PTPRD: variants seen among roughly 807,000 people sequenced by gnomAD.
The protein encoded by PTPRD is protein tyrosine phosphatase receptor type D, also known as receptor-type tyrosine-protein phosphatase delta.
A neutral mutation model predicts 214.5 loss-of-function variants in PTPRD; 34 were observed. The ratio of observed to expected loss-of-function variants is 0.16; its 90% CI spans 0.12 to 0.21. PTPRD has a LOEUF of 0.21. Among genes scored for constraint, PTPRD ranks in the 10% least tolerant of loss-of-function variants. The pLI, the probability that PTPRD is intolerant of heterozygous loss-of-function variation, is 1.00. For synonymous variants in PTPRD, 1,128 were observed against 845.7 expected, an observed-to-expected ratio of 1.33 and a Z score of -5.79; for missense variants, 2,545 against 2,398.7, an observed-to-expected ratio of 1.06 and a Z score of -1.27.
intron 3 of PTPRD, among the ~76,000 whole-genome samples, chr9:10,275,676 A>G (rs1023288319): frequency 1.3e-5 from 2 of 152,194 alleles, no homozygotes; most frequent in African/African-American, 4.8e-5. Context: ...AGAAATTGCT[A>G]GAAACTAGGT....
chr9:9,480,772 C>G (rs920448950), intron 8 of PTPRD, among the ~76,000 whole-genome samples: 1 of 151,954 alleles, frequency 6.6e-6, no homozygotes, highest in East Asian at 1.9e-4. Flanking sequence ...CATTAACATC[C>G]ATCAATAATT....
chr9:9,917,452 T>TA lies in PTPRD; in HGVS notation c.-368+21054dup, dbSNP rs112904497. Among the ~76,000 whole-genome samples the TA allele has an allele frequency of 3.6e-3, 463 of 127,604 alleles. 7 individuals carry two copies. Among genetic ancestry groups the TA allele is most frequent in the Admixed American group, 4.5e-3 (55 of 12,138 alleles). 83.7% of individuals were successfully genotyped at this position (127,604 alleles called of 152,430 possible). On this transcript the variant is annotated intron_variant, in intron 5 of 45. Coordinates refer to ENST00000381196, the MANE Select transcript of PTPRD (RefSeq NM_002839.4). ...ACATTTTAAAATCCAGAAAATTTCCTAAAAAAAAAAAAAAAAAAAATCCAG... is the reference window on the plus strand; with the variant it reads ...ACATTTTAAAATCCAGAAAATTTCCTAAAAAAAAAAAAAAAAAAAAATCCAG...
intron 8 of PTPRD, among the ~76,000 whole-genome samples, chr9:9,517,148 C>A (rs1000448434): frequency 6.6e-6 from 1 of 151,948 alleles, no homozygotes; most frequent in Admixed American, 6.6e-5. Context: ...TTTAAACATT[C>A]ATTTATTTAT....
intron 11 of PTPRD, among the ~76,000 whole-genome samples, chr9:8,849,129 C>G (rs1269591242): frequency 1.4e-5 from 2 of 147,532 alleles, no homozygotes; most frequent in African/African-American, 5.0e-5. Flanking sequence ...AATAATTATT[C>G]TTCACATTTT....
intron 4 of PTPRD, among the ~76,000 whole-genome samples, chr9:9,952,705 G>C (rs1328735878): frequency 2.6e-5 from 4 of 152,056 alleles, no homozygotes; most frequent in African/African-American, 9.7e-5. Flanking sequence ...GGGGAAAGGT[G>C]AATGCCCAGA....
chr9:9,937,516 A>G (rs2089981643), intron 5 of PTPRD, among the ~76,000 whole-genome samples: 1 of 152,034 alleles, frequency 6.6e-6, no homozygotes, highest in Non-Finnish European at 1.5e-5. Context: ...ATTTATGACT[A>G]TAAAAACATA....
At chr9:8,329,777 G>C (rs1236226796) in intron 44 of PTPRD, among the ~76,000 whole-genome samples, 1 of 152,134 alleles carries the variant, frequency 6.6e-6, no homozygotes, top group Non-Finnish European at 1.5e-5. Flanking sequence ...ACTCAGCCCT[G>C]TTTGAACTTC....
intron 3 of PTPRD, among the ~76,000 whole-genome samples, chr9:10,195,581 G>A (rs1413284824): frequency 6.6e-5 from 10 of 152,134 alleles, no homozygotes; most frequent in South Asian, 2.1e-4. Flanking sequence ...CGTGGCTCAC[G>A]CCTGTGATCC....
chr9:8,386,466 A>G (rs115631967), intron 37 of PTPRD, among the ~76,000 whole-genome samples: 204 of 152,356 alleles, frequency 1.3e-3, no homozygotes, highest in African/African-American at 4.8e-3. Context: ...TATTATTTTA[A>G]GAACCTGAGC....
At chr9:8,886,840 G>A (rs2154231156) in intron 11 of PTPRD, among the ~76,000 whole-genome samples, 1 of 152,302 alleles carries the variant, frequency 6.6e-6, no homozygotes, top group South Asian at 2.1e-4. Context: ...ATAATACAGA[G>A]GCGTTGTCAG....
At chr9:8,913,838 G>C (rs1418686399) in intron 11 of PTPRD, among the ~76,000 whole-genome samples, 36 of 152,068 alleles carry the variant, frequency 2.4e-4, no homozygotes, top group Non-Finnish European at 2.8e-4. Context: ...GACCTGCTTT[G>C]GGGGTAGATA....
intron 8 of PTPRD, among the ~76,000 whole-genome samples, chr9:9,458,400 CA>C (rs953081267): frequency 3.3e-5 from 5 of 150,308 alleles, no homozygotes; most frequent in Admixed American, 6.6e-5. Flanking sequence ...ATGGTTTTAA[CA>C]AAAAAAAATT....
intron 3 of PTPRD, among the ~76,000 whole-genome samples, chr9:10,165,003 G>T (rs564323748): frequency 2.2e-4 from 34 of 151,622 alleles, no homozygotes; most frequent in Non-Finnish European, 3.4e-4. Flanking sequence ...AAAAGGGGAA[G>T]AAAATTGCCT....
chr9:9,434,807 A>G (rs2084573767), intron 8 of PTPRD, among the ~76,000 whole-genome samples: 1 of 150,204 alleles, frequency 6.7e-6, no homozygotes, highest in Non-Finnish European at 1.5e-5. Flanking sequence ...AGTGACATTC[A>G]TTGTTGTTAC....
chr9:9,587,838 G>C (rs990275549), intron 7 of PTPRD, among the ~76,000 whole-genome samples: 3 of 151,956 alleles, frequency 2.0e-5, no homozygotes, highest in African/African-American at 7.2e-5. Context: ...TAAATAGTAG[G>C]GACTGGGATG....
At chr9:10,218,100 G>C (rs2099550032) in intron 3 of PTPRD, among the ~76,000 whole-genome samples, 1 of 151,838 alleles carries the variant, frequency 6.6e-6, no homozygotes, top group Non-Finnish European at 1.5e-5. Flanking sequence ...GAAACTATTA[G>C]ATTTTTATTA....
chr9:10,486,034 T>A (rs2099130826), intron 2 of PTPRD, among the ~76,000 whole-genome samples: 1 of 152,072 alleles, frequency 6.6e-6, no homozygotes, highest in African/African-American at 2.4e-5. Flanking sequence ...TTGATGTTTT[T>A]TTTTTTCTTG....
chr9:9,742,224 T>G (rs908158650), intron 6 of PTPRD, among the ~76,000 whole-genome samples: 1 of 152,190 alleles, frequency 6.6e-6, no homozygotes, highest in Non-Finnish European at 1.5e-5. Context: ...TCTGTTCAAA[T>G]TAAATTAGTA....
chr9:10,162,652 CATATATACAT>C (rs2099134379), intron 3 of PTPRD, among the ~76,000 whole-genome samples: 1 of 146,178 alleles, frequency 6.8e-6, no homozygotes, highest in South Asian at 2.2e-4. Flanking sequence ...TATATATACA[CATATATACAT>C]GTATATGTAT....
Sources: gnomAD v4.1 joint callset for allele counts (sites outside exome capture counted in the v4.1 genomes callset) on GRCh38, gnomAD v4.1.1 for gene constraint, MANE v1.5 for transcripts, NCBI Gene and HGNC (gene_info 2026-07-23, HGNC 2026-07-21) for gene names.